COL25A1: variants seen among roughly 807,000 people sequenced by gnomAD.
COL25A1 encodes the protein collagen alpha-1(XXV) chain.
In COL25A1, 103 loss-of-function variants were observed where a neutral mutation model predicts 128.4. That is an observed-to-expected ratio of 0.80 (90% confidence interval 0.68 to 0.94). The LOEUF is 0.94. Ranked by LOEUF, COL25A1 falls within the 40% of genes least tolerant of loss-of-function variation. The pLI, the probability that COL25A1 is intolerant of heterozygous loss-of-function variation, is 0.00. For synonymous variants in COL25A1, 279 were observed against 277.2 expected, an observed-to-expected ratio of 1.01 and a Z score of -0.06; for missense variants, 745 against 840.0, an observed-to-expected ratio of 0.89 and a Z score of 1.40.
chr4:109,029,894 T>C (rs1758667953), intron 5 of COL25A1, among the ~76,000 whole-genome samples: 1 of 152,160 alleles, frequency 6.6e-6, no homozygotes, highest in South Asian at 2.1e-4. Context: ...TGATGAGCTA[T>C]TACACAATTT....
intron 8 of COL25A1, among the ~76,000 whole-genome samples, chr4:108,956,383 T>C (rs1188677104): frequency 6.6e-6 from 1 of 152,162 alleles, no homozygotes; most frequent in Non-Finnish European, 1.5e-5. Context: ...ACCTCAGGAC[T>C]GATCCGTTTA....
intron 32 of COL25A1, among the ~76,000 whole-genome samples, chr4:108,831,228 A>G (rs1197531031): frequency 6.6e-6 from 1 of 152,018 alleles, no homozygotes; most frequent in Non-Finnish European, 1.5e-5. Context: ...AGACCAAGAG[A>G]TAATTAATCA....
At chr4:109,217,748 A>G (rs1778105908) in intron 3 of COL25A1, among the ~76,000 whole-genome samples, 2 of 152,200 alleles carry the variant, frequency 1.3e-5, no homozygotes. Flanking sequence ...AACTACACAC[A>G]TTAGGTATTA....
At chr4:109,021,845 C>T (rs1757796509) in intron 5 of COL25A1, 1 of 420,064 alleles carries the variant, frequency 2.4e-6, no homozygotes, top group African/African-American at 2.1e-5. Flanking sequence ...TGAGATACAC[C>T]CTGGTCTCCT....
intron 8 of COL25A1, among the ~76,000 whole-genome samples, chr4:108,952,572 C>A (rs146307873): frequency 6.6e-6 from 1 of 152,048 alleles, no homozygotes. Context: ...TCTAAGATGG[C>A]GCAGTATAAA....
chr4:109,137,939 A>T (rs1020317004), intron 3 of COL25A1, among the ~76,000 whole-genome samples: 58 of 152,026 alleles, frequency 3.8e-4, no homozygotes, highest in African/African-American at 1.4e-3. Context: ...AATTTAGAGA[A>T]ATTAAGGAAG....
chr4:108,913,786 A>G (rs540780434), intron 13 of COL25A1, among the ~76,000 whole-genome samples: 44 of 152,346 alleles, frequency 2.9e-4, no homozygotes, highest in African/African-American at 9.6e-4. Flanking sequence ...CCAAAAAATT[A>G]TTCACTATAA....
At chr4:109,225,743 T>C (rs1198653537) in intron 3 of COL25A1, among the ~76,000 whole-genome samples, 5 of 152,130 alleles carry the variant, frequency 3.3e-5, no homozygotes, top group African/African-American at 9.7e-5. Context: ...TGTGTGTGTA[T>C]GTGTATAATT....
At chr4:109,192,378 A>G (rs1030443521) in intron 3 of COL25A1, among the ~76,000 whole-genome samples, 62 of 152,352 alleles carry the variant, frequency 4.1e-4, no homozygotes, top group African/African-American at 1.4e-3. Flanking sequence ...GACTACAGTT[A>G]TCAGCGGGAA....
At chr4:109,264,160 A>G (rs757065147) in intron 3 of COL25A1, among the ~76,000 whole-genome samples, 11 of 152,242 alleles carry the variant, frequency 7.2e-5, no homozygotes, top group Non-Finnish European at 1.5e-4. Flanking sequence ...TAAAGGCTGA[A>G]GAGGGTGAAG....
intron 3 of COL25A1, among the ~76,000 whole-genome samples, chr4:109,100,393 T>C (rs142331940): frequency 5.5e-5 from 8 of 146,020 alleles, no homozygotes; most frequent in African/African-American, 2.0e-4. Context: ...AAAAACTAGA[T>C]AAAATATAAG....
At chr4:109,016,602 A>C (rs1757237362) in intron 5 of COL25A1, among the ~76,000 whole-genome samples, 1 of 152,180 alleles carries the variant, frequency 6.6e-6, no homozygotes, top group Non-Finnish European at 1.5e-5. Flanking sequence ...CCCCAGACTC[A>C]AACAGACTCA....
rs568404421 is a variant in COL25A1 at position 109,142,589 on chromosome 4, G to A, written c.368-92410C>T. ...TCTAAGAACTTACTTTATGACTCTCGGTGCTCCCGTATTGGGTGCATATAT... is the reference window on the plus strand; with the variant it reads ...TCTAAGAACTTACTTTATGACTCTCAGTGCTCCCGTATTGGGTGCATATAT... On this transcript the variant is annotated intron_variant, in intron 3 of 37. Transcript: ENST00000399132. Among the ~76,000 whole-genome samples the A allele has an allele frequency of 5.9e-5, 9 of 151,924 alleles. No individual in the cohort carries two copies. The South Asian group carries it at 1.5e-3, about 25-fold the overall frequency.
chr4:109,289,838 G>A (rs1323604269), intron 3 of COL25A1, among the ~76,000 whole-genome samples: 1 of 151,990 alleles, frequency 6.6e-6, no homozygotes, highest in Non-Finnish European at 1.5e-5. Context: ...CACGGATCAC[G>A]TTAGGGCAAT....
chr4:108,994,457 T>C (rs887279246), intron 6 of COL25A1, among the ~76,000 whole-genome samples: 9 of 152,188 alleles, frequency 5.9e-5, no homozygotes, highest in Non-Finnish European at 1.0e-4. Flanking sequence ...ACAAAGTGGC[T>C]GGGAAGCACC....
At chr4:109,088,755 G>A (rs995380583) in intron 3 of COL25A1, among the ~76,000 whole-genome samples, 9 of 152,164 alleles carry the variant, frequency 5.9e-5, no homozygotes, top group African/African-American at 2.2e-4. Flanking sequence ...CTTCTCTGCG[G>A]GGCCACATGT....
intron 18 of COL25A1, among the ~76,000 whole-genome samples, chr4:108,885,381 G>C (rs1430755179): frequency 6.6e-6 from 1 of 150,658 alleles, no homozygotes; most frequent in Non-Finnish European, 1.5e-5. Flanking sequence ...AAGGACAATG[G>C]TTTTCTTGAT....
chr4:109,196,410 T>C (rs1776049272), intron 3 of COL25A1, among the ~76,000 whole-genome samples: 1 of 152,126 alleles, frequency 6.6e-6, no homozygotes, highest in African/African-American at 2.4e-5. Context: ...TGTGTGTATA[T>C]ATGTGTATAT....
intron 26 of COL25A1, among the ~76,000 whole-genome samples, chr4:108,849,973 G>T (rs1460443623): frequency 6.6e-6 from 1 of 152,110 alleles, no homozygotes; most frequent in Non-Finnish European, 1.5e-5. Context: ...CTTATTTCAG[G>T]TTTCCTGCTC....
Sources: gnomAD v4.1 joint callset for allele counts (sites outside exome capture counted in the v4.1 genomes callset) on GRCh38, gnomAD v4.1.1 for gene constraint, MANE v1.5 for transcripts, NCBI Gene and HGNC (gene_info 2026-07-23, HGNC 2026-07-21) for gene names.